The following HAL variants were observed in gnomAD, a reference collection of about 807,000 sequenced individuals.
HAL encodes histidine ammonia-lyase, also known as histidase.
In HAL, 85 loss-of-function variants were observed where a neutral mutation model predicts 81.1. The observed-to-expected ratio is 1.05, with a 90% CI of 0.88 to 1.25. HAL has a LOEUF of 1.25. HAL is among the 50% of genes most tolerant of loss of function. The pLI, the probability that HAL is intolerant of heterozygous loss-of-function variation, is 0.00. For synonymous variants in HAL, 301 were observed against 309.2 expected (o/e 0.97, Z 0.28); for missense variants, 798 against 836.6 (o/e 0.95, Z 0.57).
intron 8 of HAL, 72 bp downstream of exon 8, chr12:95,993,379 T>A: frequency 1.0e-6 from 1 of 955,366 alleles, no homozygotes; most frequent in Non-Finnish European, 1.7e-6. Context: ...TATAACTGGA[T>A]AACTCACACT....
chr12:95,995,126 T>G, intron 2 of HAL, 133 bp from the exon 3 acceptor site: 1 of 747,976 alleles, frequency 1.3e-6, no homozygotes. Flanking sequence ...TTCAGATGGT[T>G]TCATGTGGTC....
intron 20 of HAL, among the ~76,000 whole-genome samples, chr12:95,974,863 C>T (rs1377287378): frequency 6.6e-6 from 1 of 152,132 alleles, no homozygotes; most frequent in Non-Finnish European, 1.5e-5. Context: ...CCTCAGCCTC[C>T]TGAGTAGCTG....
Position 95,974,380 on chromosome 12 carries a change from G to T in HAL, c.1834-8C>A, listed in dbSNP as rs1034089392. ...AGCAGCTACTTCCCAAACCTGAAAAGCAAGGACAAAACAAAGTTGAAATAT... is the reference window on the plus strand; with the variant it reads ...AGCAGCTACTTCCCAAACCTGAAAATCAAGGACAAAACAAAGTTGAAATAT... On this transcript the variant is annotated splice_polypyrimidine_tract_variant and splice_region_variant and intron_variant, in intron 20 of 20. Coordinates refer to ENST00000261208, the MANE Select transcript of HAL (RefSeq NM_002108.4). The T allele has an allele frequency of 3.7e-6, 6 of 1,612,696 alleles. No individual in the cohort carries two copies. In the African/African-American group the frequency reaches 8.0e-5, roughly 22 times the overall value.
chr12:95,993,935 C>A lies in HAL; in HGVS notation c.475G>T (p.Glu159Ter), dbSNP rs1365129216. The A allele has an allele frequency of 1.3e-6, 2 of 1,593,098 alleles. No individual in the cohort carries two copies. Among genetic ancestry groups the A allele is most frequent in the South Asian group, 1.1e-5 (1 of 90,598 alleles). Reference protein sequence around the residue: ...SREVIDSIIKEKTVVYGITTG... With the variant: ...SREVIDSIIK ...AAAGATAAAAAGATACCTGTTTTCT[C>A]TTTTATGATGCTATCTATGACCTCC... Residue 159 changes from glutamate to a stop codon, truncating the protein, a stop_gained, in exon 6 of 21, where the codon GAG becomes TAG. Coordinates refer to ENST00000261208, the MANE Select transcript of HAL (RefSeq NM_002108.4). LOFTEE classifies it high-confidence loss of function.
intron 11 of HAL, 144 bp from the exon 12 acceptor site, chr12:95,987,358 G>A: frequency 2.8e-6 from 2 of 720,372 alleles, no homozygotes; most frequent in Admixed American, 4.1e-5. Flanking sequence ...CTAAAGTGCG[G>A]GACAGTAATG....
rs182769054 is a variant in HAL at position 95,981,861 on chromosome 12, C to T, written c.1288-998G>A. ...CCTGGTTCTAAAGAGCTAATCTTTG[C>T]CTCTTGGGCTCAAGAATATTCATTA... On this transcript the variant is annotated intron_variant, in intron 15 of 20. Transcript: ENST00000261208. Among the ~76,000 whole-genome samples, 3 of 152,348 alleles carry T rather than the reference C, an allele frequency of 2.0e-5. 1 individual carries two copies. The highest frequency in any genetic ancestry group is 2.0e-4 in the Admixed American group (3 of 15,300).
At chr12:95,982,289 T>G (rs1321295608) in intron 15 of HAL, among the ~76,000 whole-genome samples, 1 of 152,204 alleles carries the variant, frequency 6.6e-6, no homozygotes, top group African/African-American at 2.4e-5. Flanking sequence ...TATTGGAAAT[T>G]TATCAATAAT....
In HAL at chr12:95,987,220, G is replaced by T; in HGVS notation, c.904-6C>A. On this transcript the variant is annotated splice_region_variant and splice_polypyrimidine_tract_variant and intron_variant, in intron 11 of 20. Transcript: ENST00000261208. ...CCATTGATGAGTGCCAGGCCCTGTC[G>T]GGGGAGAGAGCAAAGTTTCCTACTG... 6.2e-7 allele frequency: 1 copy of T among 1,612,426 alleles called. No individual in the cohort carries two copies. Among genetic ancestry groups the T allele is most frequent in the East Asian group, 2.2e-5 (1 of 44,866 alleles).
At position 95,993,473 on chromosome 12, in the gene HAL, G is replaced by A; in HGVS notation, c.567C>T (p.Asn189=). The change falls in exon 8 of 21, where the codon AAC becomes AAT. Residue 189 remains asparagine, a synonymous_variant. Transcript: ENST00000261208. The part of the protein sequence containing the change: ...PINKLQELQV[N]LVRSHSSGVG... ...TACCTGAAGAATGTGAGCGTACTAA[G>A]TTGACCTGAAGCTCCCTGCAACAGA... 1 of 1,604,706 alleles carries A rather than the reference G, an allele frequency of 6.2e-7. No homozygotes were observed.
intron 9 of HAL, among the ~76,000 whole-genome samples, chr12:95,991,363 A>G (rs1446808995): frequency 6.6e-6 from 1 of 152,224 alleles, no homozygotes; most frequent in African/African-American, 2.4e-5. Flanking sequence ...AGCCATTCAC[A>G]GCTATTGGAA....
At chr12:95,981,871 T>G (rs1255271902) in intron 15 of HAL, among the ~76,000 whole-genome samples, 1 of 152,224 alleles carries the variant, frequency 6.6e-6, no homozygotes, top group African/African-American at 2.4e-5. Context: ...CCTCTTGGGC[T>G]CAAGAATATT....
intron 11 of HAL, among the ~76,000 whole-genome samples, chr12:95,987,936 A>C (rs936906777): frequency 6.6e-6 from 1 of 151,442 alleles, no homozygotes; most frequent in African/African-American, 2.4e-5. Flanking sequence ...CATGTTGCCC[A>C]GGCTGGTCTC....
chr12:95,985,460 C>T (rs1949869853), intron 14 of HAL, among the ~76,000 whole-genome samples: 2 of 151,910 alleles, frequency 1.3e-5, no homozygotes, highest in South Asian at 2.1e-4. Context: ...CATGGTGGCA[C>T]ATGCCTGTAA....
In HAL at chr12:95,988,195, CT is replaced by C; in HGVS notation, c.900del (p.Glu301ArgfsTer11). 2 of 1,470,064 alleles carry C rather than the reference CT, an allele frequency of 1.4e-6. No homozygotes were observed. The highest frequency in any genetic ancestry group is 1.9e-6 in the Non-Finnish European group (2 of 1,048,840). 91.1% of individuals were successfully genotyped at this position (1,470,064 alleles called of 1,614,324 possible). The part of the protein sequence containing the change: ...HGLKPVILKP[K>X]EGLALINGTQ... Reference sequence around the variant, plus strand: ...ATATTTTTCTTGAGTTTCCTTACCTCTTTTGGTTTTAAAATAACTGGTTTCA... The same window carrying C: ...ATATTTTTCTTGAGTTTCCTTACCTCTTTGGTTTTAAAATAACTGGTTTCA... On this transcript the variant is annotated frameshift_variant, in exon 11 of 21. Coordinates refer to ENST00000261208, the MANE Select transcript of HAL (RefSeq NM_002108.4). LOFTEE classifies it high-confidence loss of function.
chr12:95,987,104 A>G lies in HAL; in HGVS notation c.1014T>C (p.Leu338=). 1 of 1,613,466 alleles carries G rather than the reference A, an allele frequency of 6.2e-7. No individual in the cohort carries two copies. The highest frequency in any genetic ancestry group is 1.1e-5 in the South Asian group (1 of 91,064). The stretch of plus-strand genomic sequence containing the variant: ...CTTTGGTGGTGCCCTTCAGCACCTC[A>G]AGGGTCAGGGCTGCCACAATGTCAG... ...RQADIVAALT[L]EVLKGTTKAF... Residue 338 remains leucine, a synonymous_variant, in exon 12 of 21, where the codon CTT becomes CTC. Transcript: ENST00000261208.
intron 15 of HAL, among the ~76,000 whole-genome samples, chr12:95,982,846 G>A (rs2080809945): frequency 6.6e-6 from 1 of 152,148 alleles, no homozygotes. Flanking sequence ...AGATTCCAAA[G>A]GCGTTTGATT....
Position 95,988,047 on chromosome 12 carries a change from T to TA in HAL, c.903+145dup. The TA allele has an allele frequency of 3.0e-5, 20 of 666,276 alleles. No individual in the cohort carries two copies. In the South Asian group the frequency reaches 3.4e-4, roughly 11 times the overall value. 41.3% of individuals were successfully genotyped at this position (666,276 alleles called of 1,614,324 possible). On this transcript the variant is annotated intron_variant, in intron 11 of 20. Coordinates refer to ENST00000261208, the MANE Select transcript of HAL (RefSeq NM_002108.4). ...TGGCATAAAGAATCTTTTAAATTCTTACGGAGTTGCCCCTTCTTCAGGGAT... is the reference window on the plus strand; with the variant it reads ...TGGCATAAAGAATCTTTTAAATTCTTAACGGAGTTGCCCCTTCTTCAGGGAT...
In HAL at chr12:95,976,665, ACT is replaced by A; in HGVS notation, c.1694_1695del (p.Glu565ValfsTer16). 3 of 1,613,176 alleles carry A rather than the reference ACT, an allele frequency of 1.9e-6. No homozygotes were observed. Among genetic ancestry groups the A allele is most frequent in the Non-Finnish European group, 2.5e-6 (3 of 1,179,222 alleles). On this transcript the variant is annotated frameshift_variant, in exon 19 of 21. Coordinates refer to ENST00000261208, the MANE Select transcript of HAL (RefSeq NM_002108.4). LOFTEE classifies it high-confidence loss of function. ...GTGGTTGTTTTCAGGGGACGTAGAA[ACT>A]CTATGCCCTGGCAGGCTGCAAGGAG... ...IELLAACQGI[E>X]FLRPLKTTTP...
At chr12:95,991,119 T>C (rs1157280422) in intron 9 of HAL, among the ~76,000 whole-genome samples, 1 of 151,986 alleles carries the variant, frequency 6.6e-6, no homozygotes, top group Non-Finnish European at 1.5e-5. Context: ...CCTAAATAAA[T>C]AAGAAGAAGG....
Sources: gnomAD v4.1 joint callset for allele counts (sites outside exome capture counted in the v4.1 genomes callset) on GRCh38, gnomAD v4.1.1 for gene constraint, MANE v1.5 for transcripts, NCBI Gene and HGNC (gene_info 2026-07-23, HGNC 2026-07-21) for gene names.